The following CNTNAP2 variants were observed in gnomAD, a reference collection of about 807,000 sequenced individuals.
CNTNAP2 encodes the protein contactin associated protein 2.
In CNTNAP2, 98 loss-of-function variants were observed where a neutral mutation model predicts 155.2. That is an observed-to-expected ratio of 0.63 (90% confidence interval 0.54 to 0.75). The LOEUF is 0.75. Ranked by LOEUF, CNTNAP2 falls within the 30% of genes least tolerant of loss-of-function variation. The pLI, the probability that CNTNAP2 is intolerant of heterozygous loss-of-function variation, is 0.00. For missense variants in CNTNAP2, 1,727 were observed against 1,688.1 expected (o/e 1.02, Z -0.40); for synonymous variants, 651 against 631.2 (o/e 1.03, Z -0.47).
chr7:146,314,534 C>T (rs1800877680), intron 1 of CNTNAP2, among the ~76,000 whole-genome samples: 1 of 152,142 alleles, frequency 6.6e-6, no homozygotes, highest in South Asian at 2.1e-4. Flanking sequence ...TCATACTGCT[C>T]ACTTTGAACC....
chr7:147,307,423 A>G (rs373997755), intron 9 of CNTNAP2, among the ~76,000 whole-genome samples: 2 of 148,306 alleles, frequency 1.3e-5, no homozygotes, highest in African/African-American at 5.1e-5. Context: ...ACTAAAAAAA[A>G]CCACAAAAAT....
chr7:147,306,959 T>C (rs1265045185), intron 9 of CNTNAP2, among the ~76,000 whole-genome samples: 3 of 152,180 alleles, frequency 2.0e-5, no homozygotes, highest in South Asian at 4.1e-4. Context: ...ATCTTAAATT[T>C]GCTTTCATTT....
intron 16 of CNTNAP2, among the ~76,000 whole-genome samples, chr7:148,125,446 C>G (rs1477188165): frequency 6.6e-6 from 1 of 152,140 alleles, no homozygotes; most frequent in Non-Finnish European, 1.5e-5. Context: ...TCCATGCGTA[C>G]TCAATGTTTA....
At chr7:148,334,355 G>A (rs1798081165) in intron 21 of CNTNAP2, among the ~76,000 whole-genome samples, 1 of 152,186 alleles carries the variant, frequency 6.6e-6, no homozygotes, top group African/African-American at 2.4e-5. Flanking sequence ...TTTAGGTGCA[G>A]CCTGGTGACA....
At chr7:147,248,554 C>A (rs1419540161) in intron 8 of CNTNAP2, among the ~76,000 whole-genome samples, 1 of 152,104 alleles carries the variant, frequency 6.6e-6, no homozygotes, top group Non-Finnish European at 1.5e-5. Flanking sequence ...TTCTTGTGAC[C>A]AAACTCTCTT....
At chr7:146,506,181 C>T (rs914823326) in intron 1 of CNTNAP2, among the ~76,000 whole-genome samples, 1 of 152,160 alleles carries the variant, frequency 6.6e-6, no homozygotes, top group Non-Finnish European at 1.5e-5. Flanking sequence ...GGTAGGCAAA[C>T]AGCAGACTGG....
intron 8 of CNTNAP2, among the ~76,000 whole-genome samples, chr7:147,170,817 G>A (rs373620823): frequency 6.6e-6 from 1 of 152,194 alleles, no homozygotes; most frequent in Non-Finnish European, 1.5e-5. Flanking sequence ...TGCTGCTGCG[G>A]GGCAGCCAGG....
At chr7:148,414,977 C>T (rs554927085) in intron 23 of CNTNAP2, 2 of 281,710 alleles carry the variant, frequency 7.1e-6, no homozygotes, top group Non-Finnish European at 1.4e-5. Context: ...ATAGCTCTCT[C>T]GCGCGCCCAC....
intron 1 of CNTNAP2, among the ~76,000 whole-genome samples, chr7:146,668,017 A>G (rs1423385961): frequency 6.6e-6 from 1 of 152,062 alleles, no homozygotes; most frequent in East Asian, 1.9e-4. Flanking sequence ...ATTGAGTGCA[A>G]GTGGTGAGTG....
intron 1 of CNTNAP2, among the ~76,000 whole-genome samples, chr7:146,217,220 C>A (rs1799128725): frequency 6.6e-6 from 1 of 152,118 alleles, no homozygotes; most frequent in Non-Finnish European, 1.5e-5. Context: ...AGAATAAGAA[C>A]CTTAACGCTT....
intron 11 of CNTNAP2, among the ~76,000 whole-genome samples, chr7:147,553,929 T>A (rs1799900419): frequency 1.3e-5 from 2 of 151,888 alleles, no homozygotes; most frequent in South Asian, 4.2e-4. Flanking sequence ...GTCATTGCAC[T>A]CCAGCCTAGG....
chr7:147,850,522 C>G (rs200486798), intron 13 of CNTNAP2, among the ~76,000 whole-genome samples: 26 of 151,832 alleles, frequency 1.7e-4, no homozygotes, highest in African/African-American at 5.6e-4. Context: ...AACCATACTA[C>G]ACTACAAGGC....
chr7:147,310,882 T>C (rs1795111532), intron 9 of CNTNAP2, among the ~76,000 whole-genome samples: 1 of 152,108 alleles, frequency 6.6e-6, no homozygotes, highest in African/African-American at 2.4e-5. Flanking sequence ...AAGCGGGAAT[T>C]TATAGCAAAA....
intron 21 of CNTNAP2, among the ~76,000 whole-genome samples, chr7:148,337,357 G>A (rs1254411087): frequency 6.6e-6 from 1 of 152,110 alleles, no homozygotes; most frequent in Non-Finnish European, 1.5e-5. Flanking sequence ...TGAGCCGGGA[G>A]GACTTTCCTT....
intron 1 of CNTNAP2, among the ~76,000 whole-genome samples, chr7:146,718,993 G>A (rs1210211788): frequency 6.6e-6 from 1 of 152,058 alleles, no homozygotes; most frequent in African/African-American, 2.4e-5. Flanking sequence ...CTTTCTCCTA[G>A]GGGTTTTCAA....
intron 10 of CNTNAP2, among the ~76,000 whole-genome samples, chr7:147,464,506 C>T (rs1798081017): frequency 6.6e-6 from 1 of 150,768 alleles, no homozygotes; most frequent in African/African-American, 2.4e-5. Flanking sequence ...TGTTTGTGCC[C>T]AAGTCCTGAC....
At chr7:147,754,908 G>A (rs139551071) in intron 13 of CNTNAP2, among the ~76,000 whole-genome samples, 18 of 152,182 alleles carry the variant, frequency 1.2e-4, no homozygotes, top group Admixed American at 4.6e-4. Context: ...AGAAATTTTC[G>A]TAATAAAAAG....
chr7:146,991,895 G>T (rs995424601), intron 3 of CNTNAP2, among the ~76,000 whole-genome samples: 2 of 152,098 alleles, frequency 1.3e-5, no homozygotes, highest in Non-Finnish European at 2.9e-5. Context: ...ACAAGAGTTC[G>T]CTAAGAAGAA....
intron 3 of CNTNAP2, among the ~76,000 whole-genome samples, chr7:147,033,850 T>C (rs1799093169): frequency 6.7e-6 from 1 of 149,096 alleles, no homozygotes; most frequent in Non-Finnish European, 1.5e-5. Flanking sequence ...ACTCCCAAAT[T>C]GGGGCTTAGC....
Sources: allele counts gnomAD v4.1 joint callset (sites outside exome capture counted in the v4.1 genomes callset), GRCh38; gene constraint gnomAD v4.1.1; transcripts MANE v1.5; gene names NCBI Gene and HGNC (gene_info 2026-07-23, HGNC 2026-07-21).